The following NPAS3 variants were observed in gnomAD, a reference collection of about 807,000 sequenced individuals.
The protein encoded by NPAS3 is neuronal PAS domain protein 3.
Under a neutral mutation model 73.1 loss-of-function variants are expected in NPAS3, and 14 were observed. The observed-to-expected ratio is 0.19, with a 90% CI of 0.13 to 0.30. The LOEUF (loss-of-function observed/expected upper bound fraction) is 0.30, where lower values mean the gene tolerates loss of function less well. NPAS3 is among the 10% of genes least tolerant of loss of function. The pLI, the probability that NPAS3 is intolerant of heterozygous loss-of-function variation, is 1.00. For synonymous variants in NPAS3, 620 were observed against 541.5 expected (o/e 1.14, Z -2.01); for missense variants, 1,096 against 1,250.0 (o/e 0.88, Z 1.86).
chr14:33,298,416 T>A (rs1197618633), intron 3 of NPAS3, among the ~76,000 whole-genome samples: 2 of 152,214 alleles, frequency 1.3e-5, no homozygotes, highest in Non-Finnish European at 2.9e-5. Context: ...TTTCAGATTG[T>A]GCTGGGATAA....
At chr14:33,177,850 A>G (rs1378540573) in intron 2 of NPAS3, among the ~76,000 whole-genome samples, 1 of 152,152 alleles carries the variant, frequency 6.6e-6, no homozygotes, top group Admixed American at 6.5e-5. Context: ...GTTCTAATCC[A>G]TTGGTCTATA....
At chr14:33,593,471 T>G (rs1020598191) in intron 5 of NPAS3, among the ~76,000 whole-genome samples, 1 of 152,182 alleles carries the variant, frequency 6.6e-6, no homozygotes, top group South Asian at 2.1e-4. Context: ...GTGGAAGACA[T>G]AAGACCCAAA....
intron 5 of NPAS3, among the ~76,000 whole-genome samples, chr14:33,608,929 A>G (rs992573458): frequency 6.6e-6 from 1 of 152,198 alleles, no homozygotes; most frequent in Non-Finnish European, 1.5e-5. Flanking sequence ...TACGGTGCAT[A>G]TGAAACTAAA....
chr14:33,254,194 A>T (rs956274964), intron 3 of NPAS3, among the ~76,000 whole-genome samples: 4 of 151,970 alleles, frequency 2.6e-5, no homozygotes, highest in African/African-American at 9.7e-5. Context: ...CAGCTTCCAT[A>T]GTCCTCCGTG....
intron 4 of NPAS3, among the ~76,000 whole-genome samples, chr14:33,369,493 T>G (rs2045992931): frequency 6.6e-6 from 1 of 150,472 alleles, no homozygotes; most frequent in African/African-American, 2.4e-5. Flanking sequence ...AAATTTAGAA[T>G]GTTTACATTA....
intron 5 of NPAS3, among the ~76,000 whole-genome samples, chr14:33,644,548 C>T (rs997606843): frequency 3.9e-5 from 6 of 152,094 alleles, no homozygotes; most frequent in African/African-American, 1.4e-4. Context: ...TTCTTCACAG[C>T]ATCACTTTGA....
chr14:33,099,095 C>T (rs2042508438), intron 2 of NPAS3, among the ~76,000 whole-genome samples: 1 of 152,170 alleles, frequency 6.6e-6, no homozygotes, highest in Non-Finnish European at 1.5e-5. Context: ...CAGCTCAGAT[C>T]CTCAAGGTGT....
chr14:33,306,891 T>G lies in NPAS3; in HGVS notation c.386-60295T>G, dbSNP rs75474578. Among the ~76,000 whole-genome samples, 794 of 152,252 alleles carry G rather than the reference T, an allele frequency of 5.2e-3. 10 individuals are homozygous for G. Among genetic ancestry groups the G allele is most frequent in the African/African-American group, 0.018 (764 of 41,544 alleles). On this transcript the variant is annotated intron_variant, in intron 3 of 11. Coordinates refer to ENST00000356141, the Ensembl canonical transcript of NPAS3. ...GTTGGGAAGGGGAGCAGAGTCTTTG[T>G]GGAGGAAGTCAAACAAGTGTCTATT...
At chr14:33,592,860 C>T (rs980812014) in intron 5 of NPAS3, among the ~76,000 whole-genome samples, 2 of 152,110 alleles carry the variant, frequency 1.3e-5, no homozygotes, top group African/African-American at 4.8e-5. Context: ...GAATGTATGC[C>T]TCAAATCTCA....
chr14:33,759,595 C>A (rs1173712817), intron 7 of NPAS3, among the ~76,000 whole-genome samples: 3 of 152,130 alleles, frequency 2.0e-5, no homozygotes, highest in Non-Finnish European at 4.4e-5. Context: ...GAATTTGTTT[C>A]TTCACTTGGG....
rs553642027 is a variant in NPAS3, at chr14:33,382,773, T to G, written c.468+15505T>G. 1.1e-4 allele frequency among the ~76,000 whole-genome samples: 16 copies of G among 152,276 alleles called. No individual in the cohort carries two copies. The South Asian group carries it at 3.3e-3, about 32-fold the overall frequency. On this transcript the variant is annotated intron_variant, in intron 4 of 11. Transcript: ENST00000356141. ...TAAAATTTAGCAAACAGAATATCATTTTCACATTATCCTGTCACTTATATT... is the reference window on the plus strand; with the variant it reads ...TAAAATTTAGCAAACAGAATATCATGTTCACATTATCCTGTCACTTATATT...
At chr14:33,257,542 A>AT (rs766237251) in intron 3 of NPAS3, among the ~76,000 whole-genome samples, 3 of 152,224 alleles carry the variant, frequency 2.0e-5, no homozygotes, top group Non-Finnish European at 4.4e-5. Context: ...TAAAAGCTGT[A>AT]TCTACATACA....
upstream of NPAS3, among the ~76,000 whole-genome samples, chr14:32,938,486 T>TGAGAGAGAGAGAGAGAGAGAGAGAGAGA (rs369330767): frequency 8.9e-5 from 5 of 55,932 alleles, no homozygotes; most frequent in East Asian, 4.1e-4. Flanking sequence ...AGAGAGAAAT[T>TGAGAGAGAGAGAGAGAGAGAGAGAGAGA]GAGAGAGAGA....
chr14:33,055,811 A>T, intron 1 of NPAS3, 94 bp from the exon 2 acceptor site: 2 of 572,326 alleles, frequency 3.5e-6, no homozygotes, highest in Non-Finnish European at 6.3e-6. Context: ...GTAAAAAGCA[A>T]AATATATTGA....
intron 3 of NPAS3, among the ~76,000 whole-genome samples, chr14:33,281,072 C>T (rs560874419): frequency 6.6e-6 from 1 of 152,314 alleles, no homozygotes; most frequent in South Asian, 2.1e-4. Flanking sequence ...TGATGCCCTC[C>T]TCTTCTTACG....
At chr14:33,643,853 G>A (rs2058748383) in intron 5 of NPAS3, among the ~76,000 whole-genome samples, 1 of 152,038 alleles carries the variant, frequency 6.6e-6, no homozygotes, top group Non-Finnish European at 1.5e-5. Flanking sequence ...AATAATGTAT[G>A]TAAATTTTTG....
At chr14:33,060,144 A>G (rs1172627494) in intron 2 of NPAS3, among the ~76,000 whole-genome samples, 1 of 152,234 alleles carries the variant, frequency 6.6e-6, no homozygotes, top group Non-Finnish European at 1.5e-5. Flanking sequence ...AGTAAGTTCA[A>G]AGGAAATCAC....
At chr14:33,433,027 G>T (rs781291299) in intron 4 of NPAS3, among the ~76,000 whole-genome samples, 15 of 152,034 alleles carry the variant, frequency 9.9e-5, no homozygotes, top group Non-Finnish European at 1.8e-4. Context: ...TTTACCATAC[G>T]TTCAAATGCA....
At chr14:33,025,602 T>C (rs1959172) in intron 1 of NPAS3, among the ~76,000 whole-genome samples, 78,594 of 151,988 alleles carry the variant, frequency 0.52, 23,425 homozygotes, top group African/African-American at 0.84. Flanking sequence ...TTGTAATTCT[T>C]AATGTTGGGG....
Sources: gnomAD v4.1 joint callset for allele counts (sites outside exome capture counted in the v4.1 genomes callset) on GRCh38, gnomAD v4.1.1 for gene constraint, MANE v1.5 for transcripts, NCBI Gene and HGNC (gene_info 2026-07-23, HGNC 2026-07-21) for gene names.